The following SGCZ variants were observed in gnomAD, a reference collection of about 807,000 sequenced individuals.
The protein encoded by SGCZ is sarcoglycan zeta.
In SGCZ, 40 loss-of-function variants were observed where a neutral mutation model predicts 41.3. The observed-to-expected ratio is 0.97, with a 90% CI of 0.75 to 1.26. SGCZ has a LOEUF of 1.26. Among genes scored for constraint, SGCZ ranks in the 50% most tolerant of loss-of-function variants. SGCZ has a pLI of 0.00. For synonymous variants in SGCZ, 206 were observed against 137.5 expected (o/e 1.50, Z -3.49); for missense variants, 552 against 369.8 (o/e 1.49, Z -4.04).
chr8:14,980,311 A>G (rs1801619287), intron 1 of SGCZ, among the ~76,000 whole-genome samples: 1 of 152,256 alleles, frequency 6.6e-6, no homozygotes, highest in African/African-American at 2.4e-5. Flanking sequence ...GTAACAAGTA[A>G]GAAGGAATCT....
At chr8:14,861,735 A>G (rs1803753853) in intron 1 of SGCZ, among the ~76,000 whole-genome samples, 1 of 151,958 alleles carries the variant, frequency 6.6e-6, no homozygotes, top group African/African-American at 2.4e-5. Flanking sequence ...GGGACCCACA[A>G]ATTATGTTCT....
intron 1 of SGCZ, among the ~76,000 whole-genome samples, chr8:14,969,050 T>C (rs866576942): frequency 3.6e-4 from 54 of 152,106 alleles, no homozygotes; most frequent in African/African-American, 1.2e-3. Context: ...TTTTGACAAG[T>C]GTGATGGATT....
At chr8:15,057,229 T>A (rs1804746292) in intron 1 of SGCZ, among the ~76,000 whole-genome samples, 1 of 152,152 alleles carries the variant, frequency 6.6e-6, no homozygotes, top group Admixed American at 6.5e-5. Flanking sequence ...CCTTCAAGAA[T>A]TACCATACCC....
intron 1 of SGCZ, among the ~76,000 whole-genome samples, chr8:14,970,360 C>CG (rs1801250817): frequency 1.3e-5 from 2 of 152,064 alleles, no homozygotes; most frequent in Admixed American, 6.6e-5. Flanking sequence ...AAATAATTTG[C>CG]TCCTTGGTAG....
At chr8:14,121,586 A>G (rs1270537872) in intron 5 of SGCZ, among the ~76,000 whole-genome samples, 1 of 152,144 alleles carries the variant, frequency 6.6e-6, no homozygotes, top group African/African-American at 2.4e-5. Context: ...CATACATGAA[A>G]TAATAGAAAT....
intron 1 of SGCZ, among the ~76,000 whole-genome samples, chr8:15,023,656 T>A (rs548015557): frequency 6.6e-6 from 1 of 152,202 alleles, no homozygotes; most frequent in African/African-American, 2.4e-5. Flanking sequence ...TTTTTAAATA[T>A]TGGCATGCAA....
chr8:14,565,675 C>G (rs112233713), intron 1 of SGCZ, among the ~76,000 whole-genome samples: 1 of 151,960 alleles, frequency 6.6e-6, no homozygotes, highest in Non-Finnish European at 1.5e-5. Flanking sequence ...CTACTTCAAA[C>G]AGTAAGGATT....
intron 1 of SGCZ, among the ~76,000 whole-genome samples, chr8:15,057,396 T>C (rs531139239): frequency 1.3e-5 from 2 of 152,298 alleles, no homozygotes; most frequent in South Asian, 2.1e-4. Context: ...ACAGTCTTTC[T>C]ATGAAGAAAA....
chr8:14,643,856 T>A (rs1407700834), intron 1 of SGCZ, among the ~76,000 whole-genome samples: 1 of 151,734 alleles, frequency 6.6e-6, no homozygotes. Flanking sequence ...CTTAACGTGC[T>A]GAATAAATTA....
At chr8:14,276,079 TG>T (rs1310072488) in intron 3 of SGCZ, among the ~76,000 whole-genome samples, 3 of 152,124 alleles carry the variant, frequency 2.0e-5, no homozygotes, top group Non-Finnish European at 4.4e-5. Context: ...GCTTCTTCCT[TG>T]GGGGAGAGCA....
intron 5 of SGCZ, among the ~76,000 whole-genome samples, chr8:14,117,408 C>CTATG (rs1802556642): frequency 7.6e-6 from 1 of 131,492 alleles, no homozygotes; most frequent in African/African-American, 2.8e-5. Flanking sequence ...ATGCACACAT[C>CTATG]TGTGTGTGTG....
chr8:15,236,418 A>T (rs937875735), intron 1 of SGCZ, among the ~76,000 whole-genome samples: 1 of 151,026 alleles, frequency 6.6e-6, no homozygotes, highest in Non-Finnish European at 1.5e-5. Context: ...GCAAACCTCT[A>T]TTCGTCGTTT....
chr8:15,054,251 C>A (rs185447122), intron 1 of SGCZ, among the ~76,000 whole-genome samples: 352 of 152,240 alleles, frequency 2.3e-3, no homozygotes, highest in Non-Finnish European at 4.4e-3. Context: ...AAAATAGTCA[C>A]CCACATTGAT....
At chr8:14,794,812 G>C (rs1801072722) in intron 1 of SGCZ, among the ~76,000 whole-genome samples, 1 of 152,138 alleles carries the variant, frequency 6.6e-6, no homozygotes, top group Non-Finnish European at 1.5e-5. Context: ...TATTCAAAGA[G>C]TCAGCATTGA....
Position 14,157,321 on chromosome 8 carries a change from TAC to T in SGCZ, c.547+7257_547+7258del, listed in dbSNP as rs966518184. 6.2e-4 allele frequency among the ~76,000 whole-genome samples: 90 copies of T among 144,614 alleles called. 1 individual carries two copies. The highest frequency in any genetic ancestry group is 2.0e-3 in the African/African-American group (81 of 39,832). The allele number at this position is 144,614 out of a possible 152,430, so 94.9% of individuals were successfully genotyped here. ...TTAATATACAATATTATATGTTATA[TAC>T]ATATATATGCCTCTGTGTGTGTGTG... On this transcript the variant is annotated intron_variant, in intron 5 of 7. Transcript: ENST00000382080.
intron 3 of SGCZ, among the ~76,000 whole-genome samples, chr8:14,252,163 C>G (rs889845937): frequency 3.9e-5 from 6 of 152,072 alleles, no homozygotes; most frequent in Non-Finnish European, 7.3e-5. Flanking sequence ...CTTTAATGCT[C>G]TCTTATCTTT....
At chr8:14,758,734 T>G (rs148515838) in intron 1 of SGCZ, among the ~76,000 whole-genome samples, 152 of 152,122 alleles carry the variant, frequency 1.0e-3, no homozygotes, top group African/African-American at 3.4e-3. Context: ...GTAGGCCGAG[T>G]GCGGTGGCTC....
chr8:14,093,010 A>G (rs913304535), intron 7 of SGCZ, among the ~76,000 whole-genome samples: 15 of 151,978 alleles, frequency 9.9e-5, no homozygotes, highest in African/African-American at 1.2e-4. Flanking sequence ...AGAGACAGTG[A>G]TCGTATGGCT....
intron 4 of SGCZ, among the ~76,000 whole-genome samples, chr8:14,235,374 G>A (rs937456566): frequency 9.9e-5 from 15 of 152,104 alleles, no homozygotes; most frequent in Admixed American, 6.5e-4. Context: ...GCATTTCTCC[G>A]CACAACAAGC....
Sources: allele counts gnomAD v4.1 joint callset (sites outside exome capture counted in the v4.1 genomes callset), GRCh38; gene constraint gnomAD v4.1.1; transcripts MANE v1.5; gene names NCBI Gene and HGNC (gene_info 2026-07-23, HGNC 2026-07-21).